VPS45: variants seen among roughly 807,000 people sequenced by gnomAD.
The protein encoded by VPS45 is vacuolar protein sorting 45 homolog.
A neutral mutation model predicts 75.9 loss-of-function variants in VPS45; 35 were observed. The observed-to-expected ratio is 0.46, with a 90% CI of 0.35 to 0.61. The LOEUF (loss-of-function observed/expected upper bound fraction) is 0.61, where lower values mean the gene tolerates loss of function less well. Among genes scored for constraint, VPS45 ranks in the 20% least tolerant of loss-of-function variants. The pLI, the probability that VPS45 is intolerant of heterozygous loss-of-function variation, is 0.00. For synonymous variants in VPS45, 220 were observed against 238.2 expected (o/e 0.92, Z 0.70); for missense variants, 559 against 685.9 (o/e 0.81, Z 2.07).
intron 14 of VPS45, among the ~76,000 whole-genome samples, chr1:150,119,594 T>G (rs1553809158): frequency 6.6e-6 from 1 of 152,162 alleles, no homozygotes; most frequent in Non-Finnish European, 1.5e-5. Flanking sequence ...CTTTTACACT[T>G]AGAATCATGT....
rs587760582 is a variant in VPS45, at chr1:150,116,018, T to C, written c.1625+5391T>C. Reference sequence around the variant, plus strand: ...ACTTTCCAAAGAAGTTAGATATTCATTTAAAAGAATGTTTGTCATTTTTTA... The same window carrying C: ...ACTTTCCAAAGAAGTTAGATATTCACTTAAAAGAATGTTTGTCATTTTTTA... On this transcript the variant is annotated intron_variant, in intron 14 of 14. Transcript: ENST00000644510. Among the ~76,000 whole-genome samples, 14 of 152,342 alleles carry C rather than the reference T, an allele frequency of 9.2e-5. No individual in the cohort carries two copies. In the South Asian group the frequency reaches 2.7e-3, roughly 29 times the overall value.
chr1:150,145,229 T>G lies in VPS45; in HGVS notation c.*433T>G, dbSNP rs1305634949. On this transcript the variant is annotated 3_prime_UTR_variant, in exon 15 of 15. Coordinates refer to ENST00000644510, the MANE Select transcript of VPS45 (RefSeq NM_007259.5). Reference sequence around the variant, plus strand: ...ATTTCTGAAAACCTACCATGTTTCTTTACAGAGCCATCCAAAAATTTTTTG... The same window carrying G: ...ATTTCTGAAAACCTACCATGTTTCTGTACAGAGCCATCCAAAAATTTTTTG... 1 of 222,184 alleles carries G rather than the reference T, an allele frequency of 4.5e-6. No homozygotes were observed. The highest frequency in any genetic ancestry group is 8.9e-5 in the East Asian group (1 of 11,210). 13.8% of individuals were successfully genotyped at this position (222,184 alleles called of 1,614,324 possible).
intron 13 of VPS45, among the ~76,000 whole-genome samples, chr1:150,099,285 G>A (rs761429710): frequency 1.3e-5 from 2 of 151,706 alleles, no homozygotes; most frequent in Non-Finnish European, 2.9e-5. Flanking sequence ...ATCAGAGGTC[G>A]GGAGTTCAAA....
intron 14 of VPS45, among the ~76,000 whole-genome samples, chr1:150,132,777 A>C (rs1267617139): frequency 6.6e-6 from 1 of 152,228 alleles, no homozygotes; most frequent in Non-Finnish European, 1.5e-5. Context: ...CACTTGTATG[A>C]TCTGAGACAA....
intron 14 of VPS45, among the ~76,000 whole-genome samples, chr1:150,123,036 C>G (rs1553810003): frequency 6.6e-6 from 1 of 151,630 alleles, no homozygotes; most frequent in Non-Finnish European, 1.5e-5. Context: ...ATCCCCCTCT[C>G]CAGCCCTAAT....
At chr1:150,136,104 C>T (rs1156246357) in intron 14 of VPS45, among the ~76,000 whole-genome samples, 2 of 150,330 alleles carry the variant, frequency 1.3e-5, no homozygotes, top group Non-Finnish European at 3.0e-5. Flanking sequence ...CAAAAATTAG[C>T]CAGGCATGGT....
chr1:150,103,432 A>G (rs1450963156), intron 13 of VPS45, among the ~76,000 whole-genome samples: 2 of 152,218 alleles, frequency 1.3e-5, no homozygotes, highest in Non-Finnish European at 2.9e-5. Context: ...TCAGGAAAAC[A>G]TTTATTAATG....
chr1:150,099,832 CA>C (rs1241681093), intron 13 of VPS45, among the ~76,000 whole-genome samples: 2,383 of 108,424 alleles, frequency 0.022, 40 homozygotes, highest in African/African-American at 0.081. Context: ...GACTCCGTCT[CA>C]AAAAAAAAAA....
chr1:150,132,761 C>T (rs1190976650), intron 14 of VPS45, among the ~76,000 whole-genome samples: 1 of 152,238 alleles, frequency 6.6e-6, no homozygotes. Context: ...AGTTTTGCCA[C>T]ATATTCACTT....
At position 150,144,829 on chromosome 1, in the gene VPS45, T is replaced by C; in HGVS notation, c.*33T>C. On this transcript the variant is annotated 3_prime_UTR_variant, in exon 15 of 15. Transcript: ENST00000644510. ...GTTGGGGGAAGGGCACAGCTTCCTC[T>C]CTTGTCCCCACTACAGGTTTTCCCT... The C allele has an allele frequency of 6.2e-7, 1 of 1,613,814 alleles. No individual in the cohort carries two copies. Among genetic ancestry groups the C allele is most frequent in the South Asian group, 1.1e-5 (1 of 91,020 alleles).
Position 150,068,645 on chromosome 1 carries a change from A to G in VPS45, c.109A>G (p.Met37Val), listed in dbSNP as rs1553796321. Residue 37 changes from methionine (M) to valine (V), a missense_variant, in exon 2 of 15, where the codon ATG becomes GTG. Coordinates refer to ENST00000644510, the MANE Select transcript of VPS45 (RefSeq NM_007259.5). ...MDKETTGIVS[M>V]VYTQSEILQK... The stretch of plus-strand genomic sequence containing the variant: ...GTTTTTACAGACTGGCATAGTGAGT[A>G]TGGTATACACACAATCGGAGATTCT... The G allele has an allele frequency of 4.4e-6, 7 of 1,596,420 alleles. No homozygotes were observed. In the South Asian group the frequency reaches 6.8e-5, roughly 15 times the overall value.
At chr1:150,116,837 G>T (rs6666959) in intron 14 of VPS45, among the ~76,000 whole-genome samples, 40,038 of 151,948 alleles carry the variant, frequency 0.26, 7,983 homozygotes, top group African/African-American at 0.56. Context: ...TTATGGCCAG[G>T]GACTAAGAAT....
chr1:150,089,494 G>A (rs1656215720), intron 10 of VPS45, among the ~76,000 whole-genome samples: 1 of 151,706 alleles, frequency 6.6e-6, no homozygotes, highest in Non-Finnish European at 1.5e-5. Flanking sequence ...TTGAGTAGCT[G>A]AGACTACAGG....
chr1:150,128,195 G>A (rs1054463540), intron 14 of VPS45, among the ~76,000 whole-genome samples: 1 of 151,810 alleles, frequency 6.6e-6, no homozygotes, highest in Non-Finnish European at 1.5e-5. Context: ...CCAGCTACTC[G>A]GGAGGCTAAG....
chr1:150,084,267 CA>C (rs1339099669), intron 10 of VPS45, among the ~76,000 whole-genome samples: 2 of 151,992 alleles, frequency 1.3e-5, no homozygotes, highest in Non-Finnish European at 2.9e-5. Flanking sequence ...CTGAGATAAG[CA>C]AAGAGATCCA....
chr1:150,095,384 C>T (rs1050096968), intron 13 of VPS45, among the ~76,000 whole-genome samples: 2 of 152,056 alleles, frequency 1.3e-5, no homozygotes, highest in African/African-American at 2.4e-5. Flanking sequence ...GCGGCCAAAG[C>T]GGGAGGATCA....
intron 14 of VPS45, among the ~76,000 whole-genome samples, chr1:150,126,826 C>T (rs996136096): frequency 8.5e-5 from 13 of 152,108 alleles, no homozygotes; most frequent in Non-Finnish European, 1.0e-4. Flanking sequence ...ATTAGCCAGG[C>T]ATCATGGTAC....
chr1:150,111,407 G>A (rs1657641430), intron 14 of VPS45, among the ~76,000 whole-genome samples: 1 of 152,186 alleles, frequency 6.6e-6, no homozygotes, highest in African/African-American at 2.4e-5. Flanking sequence ...TAAAGTGAAA[G>A]GATGATTGAA....
intron 13 of VPS45, among the ~76,000 whole-genome samples, chr1:150,107,133 G>GT (rs1420558126): frequency 2.0e-5 from 3 of 152,056 alleles, no homozygotes. Flanking sequence ...CTGTCTTTTG[G>GT]TTTTCTTCTC....
Sources: gnomAD v4.1 joint callset for allele counts (sites outside exome capture counted in the v4.1 genomes callset) on GRCh38, gnomAD v4.1.1 for gene constraint, MANE v1.5 for transcripts, NCBI Gene and HGNC (gene_info 2026-07-23, HGNC 2026-07-21) for gene names.